Variants in EFCAB5 observed in about 807,000 individuals in gnomAD.
The protein encoded by EFCAB5 is EF-hand calcium-binding domain-containing protein 5.
A neutral mutation model predicts 167.9 loss-of-function variants in EFCAB5; 131 were observed. The ratio of observed to expected loss-of-function variants is 0.78; its 90% CI spans 0.68 to 0.90. EFCAB5 has a LOEUF of 0.90. Among genes scored for constraint, EFCAB5 ranks in the 40% least tolerant of loss-of-function variants. EFCAB5 has a pLI of 0.00. For missense variants in EFCAB5, 1,663 were observed against 1,745.2 expected, an observed-to-expected ratio of 0.95 and a Z score of 0.84; for synonymous variants, 574 against 602.8, an observed-to-expected ratio of 0.95 and a Z score of 0.70.
intron 8 of EFCAB5, among the ~76,000 whole-genome samples, chr17:30,041,468 G>A (rs4300705): frequency 1.3e-5 from 2 of 152,184 alleles, no homozygotes. Flanking sequence ...AAACTTGAAT[G>A]CATGACAAAT....
At chr17:29,944,230 C>T (rs1367691982) in intron 3 of EFCAB5, among the ~76,000 whole-genome samples, 1 of 151,828 alleles carries the variant, frequency 6.6e-6, no homozygotes, top group Non-Finnish European at 1.5e-5. Context: ...CACACATTAC[C>T]TCACCTAGCT....
At chr17:30,065,385 C>T (rs2070536449) in intron 14 of EFCAB5, among the ~76,000 whole-genome samples, 1 of 152,008 alleles carries the variant, frequency 6.6e-6, no homozygotes, top group African/African-American at 2.4e-5. Context: ...CCTAACTGGC[C>T]AGGCGCGGTG....
At chr17:30,054,644 T>C (rs2070201829) in intron 10 of EFCAB5, among the ~76,000 whole-genome samples, 1 of 152,238 alleles carries the variant, frequency 6.6e-6, no homozygotes, top group African/African-American at 2.4e-5. Context: ...AGGCATACAG[T>C]AGTTCCCCCT....
At chr17:29,930,146 A>C in intron 1 of EFCAB5, 1 of 726,120 alleles carries the variant, frequency 1.4e-6, no homozygotes, top group Non-Finnish European at 2.2e-6. Flanking sequence ...ACGGCCGCAG[A>C]CTCCGCACCC....
At chr17:29,988,242 G>A (rs1488919996) in intron 4 of EFCAB5, among the ~76,000 whole-genome samples, 1 of 152,104 alleles carries the variant, frequency 6.6e-6, no homozygotes, top group Non-Finnish European at 1.5e-5. Context: ...ATGTAAAAAG[G>A]GTGCATTCTA....
intron 14 of EFCAB5, among the ~76,000 whole-genome samples, chr17:30,075,098 C>T (rs533708659): frequency 8.5e-5 from 13 of 152,224 alleles, no homozygotes; most frequent in Admixed American, 4.6e-4. Context: ...TTCTCATTCC[C>T]TTTTGTAGTT....
At chr17:29,952,463 G>A (rs772051561) in intron 3 of EFCAB5, among the ~76,000 whole-genome samples, 9 of 152,096 alleles carry the variant, frequency 5.9e-5, no homozygotes, top group East Asian at 1.9e-4. Flanking sequence ...TTCATAATAG[G>A]ATTGTCTTTA....
At chr17:30,075,800 T>C (rs1364141450) in intron 14 of EFCAB5, among the ~76,000 whole-genome samples, 2 of 152,204 alleles carry the variant, frequency 1.3e-5, no homozygotes, top group African/African-American at 4.8e-5. Flanking sequence ...AGGTGCCACA[T>C]TGGCTTCACC....
chr17:29,946,437 T>C (rs1003109481), intron 3 of EFCAB5, among the ~76,000 whole-genome samples: 9 of 135,544 alleles, frequency 6.6e-5, no homozygotes, highest in Middle Eastern at 7.2e-3. Context: ...TTCTTTTTTT[T>C]TTTTTTTTTT....
chr17:29,982,417 G>A (rs2151610473), intron 4 of EFCAB5, among the ~76,000 whole-genome samples: 1 of 152,092 alleles, frequency 6.6e-6, no homozygotes, highest in Admixed American at 6.5e-5. Context: ...AAGAAATTCA[G>A]TTTAGCTTTG....
intron 7 of EFCAB5, among the ~76,000 whole-genome samples, chr17:30,003,849 A>G (rs974390166): frequency 1.3e-5 from 2 of 152,140 alleles, no homozygotes; most frequent in African/African-American, 4.8e-5. Flanking sequence ...AGTTCCTCAT[A>G]CAATATGTGA....
chr17:30,019,652 G>A (rs943909906), intron 7 of EFCAB5, among the ~76,000 whole-genome samples: 1 of 151,866 alleles, frequency 6.6e-6, no homozygotes, highest in Non-Finnish European at 1.5e-5. Context: ...TCCCATATTG[G>A]CCAGGCCGGT....
Position 30,059,696 on chromosome 17 carries a change from A to G in EFCAB5, c.2732A>G (p.Lys911Arg), listed in dbSNP as rs746907567. 3 of 1,591,960 alleles carry G rather than the reference A, an allele frequency of 1.9e-6. No homozygotes were observed. The highest frequency in any genetic ancestry group is 2.6e-6 in the Non-Finnish European group (3 of 1,169,194). ...YKEGMEKESM[K>R]KAKLHIQFPK... ...GAGGGAATGGAAAAAGAATCTATGA[A>G]GAAAGGTAAAATATAAGAATGTTCT... Residue 911 changes from lysine to arginine, a missense_variant, in exon 14 of 23, where the codon AAG (lysine) becomes AGG (arginine). Coordinates refer to ENST00000394835, the MANE Select transcript of EFCAB5 (RefSeq NM_198529.4).
At chr17:30,033,325 G>A (rs948759587) in intron 7 of EFCAB5, among the ~76,000 whole-genome samples, 2 of 152,186 alleles carry the variant, frequency 1.3e-5, no homozygotes, top group East Asian at 3.9e-4. Flanking sequence ...TGATCCGCCC[G>A]CCTCGGCCTC....
chr17:30,027,505 T>A (rs541253231), intron 7 of EFCAB5, among the ~76,000 whole-genome samples: 119 of 152,088 alleles, frequency 7.8e-4, no homozygotes, highest in African/African-American at 2.8e-3. Context: ...ACGTTTCTTT[T>A]ATGGCAAAGG....
chr17:30,024,755 G>A (rs543646853), intron 7 of EFCAB5, among the ~76,000 whole-genome samples: 1 of 152,246 alleles, frequency 6.6e-6, no homozygotes, highest in East Asian at 1.9e-4. Flanking sequence ...AACAAAGCTG[G>A]AGGCATCATG....
At chr17:30,104,071 G>GT (rs2071414993) in intron 22 of EFCAB5, among the ~76,000 whole-genome samples, 3 of 152,162 alleles carry the variant, frequency 2.0e-5, no homozygotes, top group Admixed American at 2.0e-4. Flanking sequence ...AGGACCTTCA[G>GT]TTTATTGTGT....
chr17:29,959,376 T>C (rs2067677067), intron 3 of EFCAB5, among the ~76,000 whole-genome samples: 1 of 152,084 alleles, frequency 6.6e-6, no homozygotes, highest in South Asian at 2.1e-4. Context: ...ATATGCTTTT[T>C]ACTCTTCCCT....
chr17:29,980,840 G>A (rs2068159595), intron 4 of EFCAB5, among the ~76,000 whole-genome samples: 1 of 152,160 alleles, frequency 6.6e-6, no homozygotes, highest in South Asian at 2.1e-4. Flanking sequence ...GTACTTGTAT[G>A]TTTCATAAGC....
Sources: gnomAD v4.1 joint callset for allele counts (sites outside exome capture counted in the v4.1 genomes callset) on GRCh38, gnomAD v4.1.1 for gene constraint, MANE v1.5 for transcripts, NCBI Gene and HGNC (gene_info 2026-07-23, HGNC 2026-07-21) for gene names.